The following AVEN variants were observed in gnomAD, a reference collection of about 807,000 sequenced individuals.
The protein encoded by AVEN is apoptosis and caspase activation inhibitor.
In AVEN, 41 loss-of-function variants were observed where a neutral mutation model predicts 38.1. The ratio of observed to expected loss-of-function variants is 1.08; its 90% CI spans 0.84 to 1.40. The LOEUF (loss-of-function observed/expected upper bound fraction) is 1.40. Among genes scored for constraint, AVEN ranks in the 40% most tolerant of loss-of-function variants. The probability of loss-of-function intolerance (pLI) is 0.00; values close to 1 mark genes in which losing one functional copy is unlikely to be tolerated. For synonymous variants in AVEN, 206 were observed against 171.8 expected (o/e 1.20, Z -1.56); for missense variants, 605 against 438.8 (o/e 1.38, Z -3.38).
rs929236395 is a variant in AVEN, at chr15:33,866,278, CTATTCTCT to C, written c.*327_*334del. ...GGCCAAATGCATGCCTTGTTTGCAT[CTATTCTCT>C]TAATCAGCAGCAGCATCTGCTATGC... On this transcript the variant is annotated 3_prime_UTR_variant, in exon 6 of 6. Transcript: ENST00000306730. 3 of 256,068 alleles carry C rather than the reference CTATTCTCT, an allele frequency of 1.2e-5. No homozygotes were observed. The highest frequency in any genetic ancestry group is 2.2e-5 in the Non-Finnish European group (3 of 134,526). 15.9% of individuals were successfully genotyped at this position (256,068 alleles called of 1,614,324 possible).
chr15:34,065,105 T>G (rs1372954271), intron 4 of AVEN: 2 of 165,228 alleles, frequency 1.2e-5, no homozygotes, highest in African/African-American at 2.4e-5. Context: ...GTTATTTTAG[T>G]TTTTGCCAGT....
chr15:33,944,567 T>C (rs1282634117), intron 2 of AVEN, among the ~76,000 whole-genome samples: 1 of 152,092 alleles, frequency 6.6e-6, no homozygotes, highest in East Asian at 1.9e-4. Flanking sequence ...CCCAGCACTT[T>C]GGGAGGCCGA....
At chr15:33,889,182 A>G (rs1039910319) in intron 2 of AVEN, among the ~76,000 whole-genome samples, 5 of 152,232 alleles carry the variant, frequency 3.3e-5, no homozygotes, top group Non-Finnish European at 5.9e-5. Context: ...TGAAAAATCT[A>G]TTAACAAAAT....
intron 1 of AVEN, among the ~76,000 whole-genome samples, chr15:34,006,322 A>C (rs1897340394): frequency 2.6e-5 from 4 of 152,100 alleles, no homozygotes; most frequent in Admixed American, 6.6e-5. Context: ...AAAAAAAAAA[A>C]AACAGCCTTG....
intron 2 of AVEN, among the ~76,000 whole-genome samples, chr15:33,898,087 G>A (rs760869419): frequency 1.8e-4 from 28 of 152,064 alleles, no homozygotes; most frequent in Non-Finnish European, 3.4e-4. Context: ...TACTCTGGAG[G>A]CTGAGGCAGG....
chr15:33,881,802 C>G (rs1567393829), intron 2 of AVEN, among the ~76,000 whole-genome samples: 1 of 152,180 alleles, frequency 6.6e-6, no homozygotes, highest in Non-Finnish European at 1.5e-5. Context: ...ACATTCCATT[C>G]CACTCCAGCT....
At chr15:33,992,779 C>A (rs903189175) in intron 2 of AVEN, among the ~76,000 whole-genome samples, 1 of 152,210 alleles carries the variant, frequency 6.6e-6, no homozygotes, top group Admixed American at 6.5e-5. Context: ...AATATCCTTT[C>A]TTTTCCCTTC....
chr15:33,931,333 C>G (rs1177579645), intron 2 of AVEN, among the ~76,000 whole-genome samples: 4 of 133,566 alleles, frequency 3.0e-5, no homozygotes, highest in African/African-American at 1.2e-4. Context: ...CAAAAAGAAA[C>G]TATGCTGAAT....
rs1186938532 is a variant in AVEN, at chr15:33,923,634, A to C, written c.446-47639T>G. Among the ~76,000 whole-genome samples the C allele has an allele frequency of 1.3e-5, 2 of 152,214 alleles. 1 individual carries two copies. Among genetic ancestry groups the C allele is most frequent in the Admixed American group, 1.3e-4 (2 of 15,280 alleles). The stretch of plus-strand genomic sequence containing the variant: ...GTTCTAATAAAACTTTATTTATAAA[A>C]GTTGGCAATGAGCCATATTTGGCCC... On this transcript the variant is annotated intron_variant, in intron 2 of 5. Transcript: ENST00000306730.
chr15:33,860,935 T>G (rs1887970893), intron 11 of AVEN: 1 of 591,198 alleles, frequency 1.7e-6, no homozygotes, highest in Admixed American at 2.5e-5. Flanking sequence ...AGCCAATGTA[T>G]GGCACTACTG....
chr15:34,023,320 G>C (rs1177652402), intron 1 of AVEN, among the ~76,000 whole-genome samples: 6 of 152,306 alleles, frequency 3.9e-5, no homozygotes, highest in Admixed American at 3.9e-4. Context: ...CACTGAGTTT[G>C]GTTGCTATCA....
chr15:33,942,843 T>C (rs1567426141), intron 2 of AVEN, among the ~76,000 whole-genome samples: 1 of 152,248 alleles, frequency 6.6e-6, no homozygotes, highest in South Asian at 2.1e-4. Context: ...TCAAAAGTTC[T>C]ATATTCCTTT....
chr15:33,992,332 G>A lies in AVEN; in HGVS notation c.445+10700C>T, dbSNP rs375933643. On this transcript the variant is annotated intron_variant, in intron 2 of 5. Transcript: ENST00000306730. The stretch of plus-strand genomic sequence containing the variant: ...GTCAGCCCGGGGGGCGGAGCTTGCA[G>A]TGAGCCGAGATTGCGCCACTGCACT... Among the ~76,000 whole-genome samples, 4 of 152,250 alleles carry A rather than the reference G, an allele frequency of 2.6e-5. No homozygotes were observed. In the East Asian group the frequency reaches 5.8e-4, roughly 22 times the overall value.
chr15:33,972,157 C>T (rs913154247), intron 2 of AVEN: 4 of 151,908 alleles, frequency 2.6e-5, no homozygotes, highest in Non-Finnish European at 5.9e-5. Context: ...AATTCAAAAG[C>T]GGGAGTAAAC....
At chr15:34,022,394 T>C (rs1035583410) in intron 1 of AVEN, among the ~76,000 whole-genome samples, 2 of 152,056 alleles carry the variant, frequency 1.3e-5, no homozygotes, top group African/African-American at 4.8e-5. Context: ...CTCCCAACAT[T>C]AGGGAGGAAA....
intron 5 of AVEN, among the ~76,000 whole-genome samples, chr15:34,047,421 A>T (rs1359494051): frequency 6.6e-6 from 1 of 152,154 alleles, no homozygotes; most frequent in Non-Finnish European, 1.5e-5. Flanking sequence ...ATCCCTGGCA[A>T]GGCGGGAGGT....
At chr15:33,893,951 A>AT (rs11463061) in intron 2 of AVEN, among the ~76,000 whole-genome samples, 6,339 of 142,214 alleles carry the variant, frequency 0.045, 416 homozygotes, top group African/African-American at 0.14. Context: ...TGATGCCAAG[A>AT]TTTTTTTTTT....
chr15:34,005,461 A>G (rs1401739228), intron 1 of AVEN, among the ~76,000 whole-genome samples: 1 of 152,192 alleles, frequency 6.6e-6, no homozygotes, highest in Admixed American at 6.5e-5. Context: ...TTATCTATAA[A>G]CTAATCTTAA....
intron 2 of AVEN, among the ~76,000 whole-genome samples, chr15:33,998,021 C>A (rs1419471013): frequency 6.6e-6 from 1 of 152,132 alleles, no homozygotes; most frequent in East Asian, 1.9e-4. Context: ...CTGCTCTCTC[C>A]TTCCACTTCC....
Sources: gnomAD v4.1 joint callset for allele counts (sites outside exome capture counted in the v4.1 genomes callset) on GRCh38, gnomAD v4.1.1 for gene constraint, MANE v1.5 for transcripts, NCBI Gene and HGNC (gene_info 2026-07-23, HGNC 2026-07-21) for gene names.